The following ASH1L variants were observed in gnomAD, a reference collection of about 807,000 sequenced individuals.
The protein encoded by ASH1L is ASH1 like histone lysine methyltransferase.
Under a neutral mutation model 269.0 loss-of-function variants are expected in ASH1L, and 23 were observed. The observed-to-expected ratio is 0.09, with a 90% CI of 0.06 to 0.12. ASH1L has a LOEUF of 0.12. Ranked by LOEUF, ASH1L falls within the 10% of genes least tolerant of loss-of-function variation. ASH1L has a pLI of 1.00. For synonymous variants in ASH1L, 1,187 were observed against 1,253.5 expected (o/e 0.95, Z 1.12); for missense variants, 2,912 against 3,567.8 (o/e 0.82, Z 4.68).
chr1:155,358,422 C>T (rs185449005), intron 13 of ASH1L, among the ~76,000 whole-genome samples: 4 of 152,190 alleles, frequency 2.6e-5, no homozygotes, highest in Admixed American at 6.5e-5. Flanking sequence ...CATGGTGGCT[C>T]ATGCCTGTAA....
At chr1:155,342,707 G>C (rs568858016) in intron 24 of ASH1L, among the ~76,000 whole-genome samples, 52 of 152,230 alleles carry the variant, frequency 3.4e-4, no homozygotes, top group Non-Finnish European at 5.6e-4. Context: ...CTTTAAAATA[G>C]ATAGTCCTTA....
intron 2 of ASH1L, among the ~76,000 whole-genome samples, chr1:155,489,047 T>C (rs1666558806): frequency 6.6e-6 from 1 of 152,218 alleles, no homozygotes; most frequent in African/African-American, 2.4e-5. Flanking sequence ...TGTAGCCCAT[T>C]TGCTTTAAAT....
At chr1:155,549,624 CAAAAAAA>C (rs1043659273) in intron 1 of ASH1L, among the ~76,000 whole-genome samples, 2 of 60,456 alleles carry the variant, frequency 3.3e-5, no homozygotes, top group African/African-American at 5.2e-5. Flanking sequence ...GACTCAGTCT[CAAAAAAA>C]AAAAAAAAAA....
chr1:155,352,339 GTGATTTATTTTGGGAATGTAAATGGAA>G (rs1654007357), intron 17 of ASH1L, among the ~76,000 whole-genome samples: 1 of 148,030 alleles, frequency 6.8e-6, no homozygotes, highest in Non-Finnish European at 1.5e-5. Context: ...TGCAGAGAGT[GTGATTTATTTTGGGAATGTAAATGGAA>G]TAGGTGCCTC....
chr1:155,414,308 A>G (rs1660034068), intron 6 of ASH1L, among the ~76,000 whole-genome samples: 1 of 151,782 alleles, frequency 6.6e-6, no homozygotes, highest in African/African-American at 2.4e-5. Flanking sequence ...AATAGCATTA[A>G]AAAAATTTCT....
In ASH1L at chr1:155,440,821, T is replaced by C. The variant is rs1022311181; in HGVS notation, c.5087-1753A>G. On this transcript the variant is annotated intron_variant, in intron 4 of 27. Coordinates refer to ENST00000392403, the MANE Select transcript of ASH1L (RefSeq NM_018489.3). ...TGCATGTTTCACAGATTTCTCAAACTCATATTCACATCTCATTTCATTTTC... is the reference window on the plus strand; with the variant it reads ...TGCATGTTTCACAGATTTCTCAAACCCATATTCACATCTCATTTCATTTTC... 5.9e-5 allele frequency among the ~76,000 whole-genome samples: 9 copies of C among 152,176 alleles called. No individual in the cohort carries two copies. In the East Asian group the frequency reaches 1.7e-3, roughly 29 times the overall value.
intron 5 of ASH1L, chr1:155,433,257 A>G (rs112458340): frequency 6.4e-7 from 1 of 1,555,494 alleles, no homozygotes; most frequent in Non-Finnish European, 8.7e-7. Flanking sequence ...GGGGGGCCGG[A>G]GCCGGGCTGG....
chr1:155,424,597 G>C (rs1327119113), intron 5 of ASH1L, among the ~76,000 whole-genome samples: 1 of 151,856 alleles, frequency 6.6e-6, no homozygotes, highest in Non-Finnish European at 1.5e-5. Flanking sequence ...AGTAGAGACG[G>C]GGTTTCTCCA....
At chr1:155,362,348 C>G (rs1655041216) in intron 12 of ASH1L, among the ~76,000 whole-genome samples, 1 of 150,402 alleles carries the variant, frequency 6.6e-6, no homozygotes, top group South Asian at 2.1e-4. Flanking sequence ...TTTAGGTGTT[C>G]AGGAGTTTGT....
At chr1:155,440,533 G>A in intron 4 of ASH1L, 2 of 956,362 alleles carry the variant, frequency 2.1e-6, no homozygotes, top group Non-Finnish European at 2.5e-6. Flanking sequence ...TATTCTCATA[G>A]TCTCAATTAT....
At chr1:155,496,578 C>T (rs1438794663) in intron 2 of ASH1L, among the ~76,000 whole-genome samples, 1 of 152,156 alleles carries the variant, frequency 6.6e-6, no homozygotes, top group Admixed American at 6.5e-5. Flanking sequence ...ATTTGAAATG[C>T]TACACTTCCC....
Position 155,336,058 on chromosome 1 carries a change from T to C in ASH1L, c.*1602A>G, listed in dbSNP as rs1176520613. The C allele has an allele frequency of 6.6e-6, 1 of 152,364 alleles. No homozygotes were observed. Among genetic ancestry groups the C allele is most frequent in the Non-Finnish European group, 1.5e-5 (1 of 68,036 alleles). The allele number at this position is 152,364 out of a possible 1,614,324, so 9.4% of individuals were successfully genotyped here. ...ATACTCCAAACTATTTTCTTAATTCTCTTTTTTCTTTAATAAAATATTTAT... is the reference window on the plus strand; with the variant it reads ...ATACTCCAAACTATTTTCTTAATTCCCTTTTTTCTTTAATAAAATATTTAT... On this transcript the variant is annotated 3_prime_UTR_variant, in exon 28 of 28. Transcript: ENST00000392403.
chr1:155,489,033 G>A (rs1307508489), intron 2 of ASH1L, among the ~76,000 whole-genome samples: 1 of 152,142 alleles, frequency 6.6e-6, no homozygotes, highest in Non-Finnish European at 1.5e-5. Context: ...AATGCTTGCT[G>A]TTTTGTAGCC....
intron 19 of ASH1L, 42 bp from the exon 20 acceptor site, chr1:155,347,946 T>C: frequency 6.2e-7 from 1 of 1,609,454 alleles, no homozygotes. Context: ...GTTCTCTCAA[T>C]GTGGCTTAAC....
At chr1:155,377,035 G>A (rs867553645) in intron 10 of ASH1L, among the ~76,000 whole-genome samples, 16 of 151,354 alleles carry the variant, frequency 1.1e-4, no homozygotes, top group Middle Eastern at 3.4e-3. Context: ...AGCCTCCCAC[G>A]TAGCTGGGAT....
chr1:155,454,168 T>A (rs1486411375), intron 4 of ASH1L, among the ~76,000 whole-genome samples: 1 of 152,246 alleles, frequency 6.6e-6, no homozygotes, highest in Non-Finnish European at 1.5e-5. Context: ...TCTTATCCAC[T>A]TACTCTAATT....
chr1:155,447,835 T>C (rs1174227051), intron 4 of ASH1L, among the ~76,000 whole-genome samples: 2 of 152,246 alleles, frequency 1.3e-5, no homozygotes, highest in African/African-American at 4.8e-5. Context: ...ATTGATTGTA[T>C]ACTTTGCTGT....
In ASH1L at chr1:155,415,307, C is replaced by T. The variant is rs563203172; in HGVS notation, c.6008+437G>A. Among the ~76,000 whole-genome samples the T allele has an allele frequency of 4.7e-5, 7 of 147,570 alleles. 1 individual carries two copies. Among genetic ancestry groups the T allele is most frequent in the East Asian group, 2.0e-4 (1 of 4,936 alleles). ...TGAGGTAGGAGAATGGCGTGAACCC[C>T]GGAGGCAGAGTTTGCAGTGAGCCAA... On this transcript the variant is annotated intron_variant, in intron 6 of 27. Transcript: ENST00000392403.
intron 4 of ASH1L, among the ~76,000 whole-genome samples, chr1:155,447,304 C>T (rs963746382): frequency 2.0e-5 from 3 of 152,118 alleles, no homozygotes; most frequent in Admixed American, 6.5e-5. Flanking sequence ...CCTTAATCTA[C>T]TTAGACAATT....
Sources: gnomAD v4.1 joint callset for allele counts (sites outside exome capture counted in the v4.1 genomes callset) on GRCh38, gnomAD v4.1.1 for gene constraint, MANE v1.5 for transcripts, NCBI Gene and HGNC (gene_info 2026-07-23, HGNC 2026-07-21) for gene names.